PPA2: variants seen among roughly 807,000 people sequenced by gnomAD.
The protein encoded by PPA2 is inorganic pyrophosphatase 2, mitochondrial.
In PPA2, 48 loss-of-function variants were observed where a neutral mutation model predicts 49.5. The observed-to-expected ratio is 0.97, with a 90% CI of 0.77 to 1.23. PPA2 has a LOEUF of 1.23. PPA2 is among the 50% of genes most tolerant of loss of function. The pLI, the probability that PPA2 is intolerant of heterozygous loss-of-function variation, is 0.00. For synonymous variants in PPA2, 131 were observed against 139.9 expected, an observed-to-expected ratio of 0.94 and a Z score of 0.45; for missense variants, 429 against 410.1, an observed-to-expected ratio of 1.05 and a Z score of -0.40.
At chr4:105,383,004 C>CA (rs11351989) in intron 10 of PPA2, among the ~76,000 whole-genome samples, 187 of 151,034 alleles carry the variant, frequency 1.2e-3, no homozygotes, top group South Asian at 8.2e-3. Context: ...CCCTGTGTCT[C>CA]AAAAAAAAAT....
chr4:105,412,052 G>A (rs1213064642), intron 7 of PPA2, among the ~76,000 whole-genome samples: 3 of 152,138 alleles, frequency 2.0e-5, no homozygotes, highest in Non-Finnish European at 1.5e-5. Flanking sequence ...TGCCGATCAA[G>A]CTACCAATGA....
In PPA2 at chr4:105,431,178, G is replaced by A. The variant is rs548642468; in HGVS notation, c.528+6772C>T. Among the ~76,000 whole-genome samples the A allele has an allele frequency of 9.8e-4, 149 of 152,156 alleles. 4 individuals are homozygous for A. Among genetic ancestry groups the A allele is most frequent in the South Asian group, 8.3e-4 (4 of 4,818 alleles). On this transcript the variant is annotated intron_variant, in intron 6 of 11. Coordinates refer to ENST00000341695, the MANE Select transcript of PPA2 (RefSeq NM_176869.3). Reference sequence around the variant, plus strand: ...TTTTCTTATTTTTGATAATAATTTTGCATGTAATTATATCAAAAATCATCA... The same window carrying A: ...TTTTCTTATTTTTGATAATAATTTTACATGTAATTATATCAAAAATCATCA...
chr4:105,397,669 G>T (rs1734203310), intron 8 of PPA2, among the ~76,000 whole-genome samples: 1 of 152,098 alleles, frequency 6.6e-6, no homozygotes, highest in African/African-American at 2.4e-5. Context: ...CTCATGAATG[G>T]CTTGGTGCCT....
At chr4:105,467,594 A>T (rs1391107744) in intron 1 of PPA2, among the ~76,000 whole-genome samples, 1 of 152,242 alleles carries the variant, frequency 6.6e-6, no homozygotes, top group South Asian at 2.1e-4. Context: ...TGCTGTATGG[A>T]AAGTAGACTA....
intron 7 of PPA2, among the ~76,000 whole-genome samples, chr4:105,404,360 T>G (rs901444157): frequency 5.3e-5 from 8 of 151,852 alleles, no homozygotes; most frequent in African/African-American, 1.9e-4. Context: ...AGATAAATAT[T>G]AAAAGCAAAT....
At chr4:105,400,029 C>T (rs772419828) in intron 7 of PPA2, among the ~76,000 whole-genome samples, 1 of 152,126 alleles carries the variant, frequency 6.6e-6, no homozygotes, top group Non-Finnish European at 1.5e-5. Context: ...TCTCAGTTAG[C>T]AGATCCACTG....
At chr4:105,439,842 C>G (rs568915953) in intron 5 of PPA2, among the ~76,000 whole-genome samples, 2 of 120,226 alleles carry the variant, frequency 1.7e-5, no homozygotes, top group South Asian at 3.7e-4. Context: ...CCCCCTCCCC[C>G]CACCCGACAA....
intron 10 of PPA2, among the ~76,000 whole-genome samples, chr4:105,382,680 G>T (rs1380755814): frequency 2.0e-5 from 3 of 151,738 alleles, no homozygotes; most frequent in Non-Finnish European, 4.4e-5. Flanking sequence ...TCAGGTGAAG[G>T]TTAAAAAAAT....
At chr4:105,454,984 A>T (rs1412572975) in intron 2 of PPA2, among the ~76,000 whole-genome samples, 1 of 152,068 alleles carries the variant, frequency 6.6e-6, no homozygotes, top group Non-Finnish European at 1.5e-5. Flanking sequence ...GCTATAGCAT[A>T]CCCCTGACAA....
intron 7 of PPA2, 98 bp downstream of exon 7, chr4:105,424,098 A>G: frequency 7.9e-7 from 1 of 1,262,134 alleles, no homozygotes. Flanking sequence ...TCTTTTTTAA[A>G]AAGTACATTT....
intron 10 of PPA2, 51 bp downstream of exon 10, chr4:105,386,516 T>C (rs774513793): frequency 6.6e-7 from 1 of 1,526,664 alleles, no homozygotes. Flanking sequence ...TCTACTAGAC[T>C]TCCTATGACA....
At chr4:105,472,568 T>C (rs1578898188) in intron 1 of PPA2, among the ~76,000 whole-genome samples, 1 of 152,222 alleles carries the variant, frequency 6.6e-6, no homozygotes, top group East Asian at 1.9e-4. Flanking sequence ...CATCACATGG[T>C]AACCTTTTAG....
At position 105,369,509 on chromosome 4, in the gene PPA2, C is replaced by T. The variant is rs561335268; in HGVS notation, c.*216G>A. On this transcript the variant is annotated 3_prime_UTR_variant, in exon 12 of 12. Coordinates refer to ENST00000341695, the MANE Select transcript of PPA2 (RefSeq NM_176869.3). ...AAGTGCTGAAATTACAGGCATGAGC[C>T]ACCGTGCCTGGCCAAAATCTTCTTT... 264 of 503,438 alleles carry T rather than the reference C, an allele frequency of 5.2e-4. No individual in the cohort carries two copies. The highest frequency in any genetic ancestry group is 8.7e-4 in the Non-Finnish European group (246 of 283,788). The allele number at this position is 503,438 out of a possible 1,614,324, so 31.2% of individuals were successfully genotyped here. A position where few individuals can be genotyped will look rare whatever the true frequency, so the allele number is the denominator to read the frequency against.
At chr4:105,415,641 C>T (rs1722974458) in intron 7 of PPA2, among the ~76,000 whole-genome samples, 1 of 152,044 alleles carries the variant, frequency 6.6e-6, no homozygotes, top group South Asian at 2.1e-4. Context: ...AGGTGGTGAT[C>T]CCACCCTGCC....
intron 6 of PPA2, 86 bp downstream of exon 6, chr4:105,437,864 G>C (rs1724136746): frequency 1.0e-6 from 1 of 972,368 alleles, no homozygotes; most frequent in Non-Finnish European, 1.5e-6. Context: ...ACTCTGAAGA[G>C]TTGAAGAACT....
intron 1 of PPA2, among the ~76,000 whole-genome samples, chr4:105,468,420 A>C (rs1723394751): frequency 6.6e-6 from 1 of 152,212 alleles, no homozygotes; most frequent in Non-Finnish European, 1.5e-5. Flanking sequence ...TCTGGGAAAG[A>C]CAAAAAAAGT....
rs1578791053 is a variant in PPA2, at chr4:105,374,841, CTTTCTT to C, written c.940-3974_940-3969del. The stretch of plus-strand genomic sequence containing the variant: ...TGAATTAAAGTGCCTTGGACATTGT[CTTTCTT>C]TTTCTTTTTTCTTTTTTTTTTTTTT... On this transcript the variant is annotated intron_variant, in intron 10 of 11. Transcript: ENST00000341695. 2.7e-5 allele frequency among the ~76,000 whole-genome samples: 4 copies of C among 148,640 alleles called. No individual in the cohort carries two copies. In the East Asian group the frequency reaches 7.9e-4, roughly 29 times the overall value.
Position 105,399,180 on chromosome 4 carries a change from C to A in PPA2, c.656-16G>T. The A allele has an allele frequency of 1.9e-6, 3 of 1,579,552 alleles. No individual in the cohort carries two copies. Among genetic ancestry groups the A allele is most frequent in the Admixed American group, 3.8e-5 (2 of 52,122 alleles). ...TCATCAATATCTGTAAAGAAAAAAA[C>A]AAAAAGATGTTTTGTTAAGAACCAA... On this transcript the variant is annotated splice_polypyrimidine_tract_variant and intron_variant, in intron 7 of 11. Coordinates refer to ENST00000341695, the MANE Select transcript of PPA2 (RefSeq NM_176869.3).
chr4:105,420,912 GCTA>G (rs1723221406), intron 7 of PPA2, among the ~76,000 whole-genome samples: 1 of 152,254 alleles, frequency 6.6e-6, no homozygotes, highest in Middle Eastern at 3.4e-3. Flanking sequence ...TACTGTAAAT[GCTA>G]CTTAGTTTTT....
Sources: allele counts gnomAD v4.1 joint callset (sites outside exome capture counted in the v4.1 genomes callset), GRCh38; gene constraint gnomAD v4.1.1; transcripts MANE v1.5; gene names NCBI Gene and HGNC (gene_info 2026-07-23, HGNC 2026-07-21).